TRPM3: variants seen among roughly 807,000 people sequenced by gnomAD.
The protein encoded by TRPM3 is long transient receptor potential channel 3.
TRPM3 carries 77 observed loss-of-function variants against 181.2 expected under a neutral mutation model. That is an observed-to-expected ratio of 0.42 (90% CI 0.35 to 0.51). The LOEUF is 0.51. Ranked by LOEUF, TRPM3 falls within the 20% of genes least tolerant of loss-of-function variation. The probability of loss-of-function intolerance (pLI) is 0.01; values close to 1 mark genes in which losing one functional copy is unlikely to be tolerated. For synonymous variants in TRPM3, 745 were observed against 796.4 expected, an observed-to-expected ratio of 0.94 and a Z score of 1.09; for missense variants, 1,759 against 2,196.7, an observed-to-expected ratio of 0.80 and a Z score of 3.98.
rs1296322226 is a variant in TRPM3, at chr9:70,531,730, AT to A, written c.*4222del. ...TAATTCAACTGGAGTTTAAAATATC[AT>A]TTTAAGTTCATTTGTCATATAGTCT... On this transcript the variant is annotated 3_prime_UTR_variant, in exon 26 of 26. Coordinates refer to ENST00000677713, the MANE Select transcript of TRPM3 (RefSeq NM_001366145.2). 3.9e-5 allele frequency: 6 copies of A among 152,212 alleles called. No homozygotes were observed. The highest frequency in any genetic ancestry group is 7.3e-5 in the Non-Finnish European group (5 of 68,028). The allele number at this position is 152,212 out of a possible 1,614,324, so 9.4% of individuals were successfully genotyped here. A position where few individuals can be genotyped will look rare whatever the true frequency, so the allele number is the denominator to read the frequency against.
At chr9:71,195,541 T>C (rs1247955726) in intron 1 of TRPM3, among the ~76,000 whole-genome samples, 1 of 152,026 alleles carries the variant, frequency 6.6e-6, no homozygotes, top group Non-Finnish European at 1.5e-5. Context: ...TTGTGGAATG[T>C]AGAGTGGAGA....
At chr9:71,289,565 T>C (rs1443983844) in intron 1 of TRPM3, among the ~76,000 whole-genome samples, 2 of 152,082 alleles carry the variant, frequency 1.3e-5, no homozygotes, top group African/African-American at 4.8e-5. Flanking sequence ...ATATATTGTA[T>C]GTTTCAAAAT....
chr9:71,241,165 T>A (rs559972421), intron 1 of TRPM3, among the ~76,000 whole-genome samples: 1 of 152,104 alleles, frequency 6.6e-6, no homozygotes, highest in Non-Finnish European at 1.5e-5. Flanking sequence ...AAGTGCAACA[T>A]CCTCCAAACA....
chr9:70,849,794 T>A (rs905341681), intron 3 of TRPM3, among the ~76,000 whole-genome samples: 2 of 131,922 alleles, frequency 1.5e-5, no homozygotes, highest in Non-Finnish European at 3.4e-5. Flanking sequence ...TACAAACATA[T>A]GCTTTTTGAT....
intron 7 of TRPM3, among the ~76,000 whole-genome samples, chr9:70,763,404 G>C (rs1306610036): frequency 2.0e-5 from 3 of 152,056 alleles, no homozygotes; most frequent in African/African-American, 4.8e-5. Flanking sequence ...CCAGCTACTT[G>C]AGATGCTGAG....
At chr9:70,822,221 A>G (rs979158137) in intron 6 of TRPM3, among the ~76,000 whole-genome samples, 1 of 151,986 alleles carries the variant, frequency 6.6e-6, no homozygotes, top group Admixed American at 6.6e-5. Flanking sequence ...TCTGCGTGGA[A>G]TCTCACCGCT....
chr9:70,852,375 C>T (rs1274515686), intron 3 of TRPM3, among the ~76,000 whole-genome samples: 2 of 152,012 alleles, frequency 1.3e-5, no homozygotes, highest in Admixed American at 1.3e-4. Flanking sequence ...TATGGGAGTG[C>T]TCACAGCCCA....
intron 1 of TRPM3, among the ~76,000 whole-genome samples, chr9:71,415,532 C>T (rs1424779263): frequency 6.6e-6 from 1 of 151,882 alleles, no homozygotes; most frequent in Non-Finnish European, 1.5e-5. Context: ...CTGGGTGACA[C>T]TAAGATATAC....
chr9:70,958,498 T>C (rs1459170246), intron 1 of TRPM3, among the ~76,000 whole-genome samples: 1 of 152,128 alleles, frequency 6.6e-6, no homozygotes, highest in Admixed American at 6.6e-5. Flanking sequence ...TGGTATCTCA[T>C]TGTGGTTTTG....
intron 1 of TRPM3, among the ~76,000 whole-genome samples, chr9:71,370,271 C>T (rs1353615174): frequency 6.6e-6 from 1 of 152,100 alleles, no homozygotes; most frequent in Non-Finnish European, 1.5e-5. Context: ...AAATAAAAAA[C>T]TAGAAATAAT....
chr9:70,817,949 G>GT (rs1323083559), intron 6 of TRPM3, among the ~76,000 whole-genome samples: 1 of 151,380 alleles, frequency 6.6e-6, no homozygotes, highest in Non-Finnish European at 1.5e-5. Flanking sequence ...AATATTTTTG[G>GT]TTTTTTTTGG....
intron 18 of TRPM3, among the ~76,000 whole-genome samples, chr9:70,611,904 T>C (rs545572978): frequency 6.6e-6 from 1 of 152,294 alleles, no homozygotes; most frequent in South Asian, 2.1e-4. Context: ...ATGACTTAAC[T>C]GAGAAAGAGT....
intron 1 of TRPM3, among the ~76,000 whole-genome samples, chr9:70,993,149 T>A (rs1374289728): frequency 1.3e-5 from 2 of 152,148 alleles, no homozygotes; most frequent in African/African-American, 4.8e-5. Context: ...GGAGTTTGGA[T>A]TTTTTCCAAG....
At chr9:70,624,481 T>A (rs2064165951) in intron 14 of TRPM3, among the ~76,000 whole-genome samples, 1 of 152,192 alleles carries the variant, frequency 6.6e-6, no homozygotes, top group Non-Finnish European at 1.5e-5. Flanking sequence ...ATTTGAAAAG[T>A]TCACTTACAT....
intron 1 of TRPM3, among the ~76,000 whole-genome samples, chr9:70,918,077 A>G (rs2096619513): frequency 6.6e-6 from 1 of 152,180 alleles, no homozygotes; most frequent in Non-Finnish European, 1.5e-5. Context: ...ATGATATCTA[A>G]CCATTGTAAA....
At chr9:71,341,260 G>A (rs1291634473) in intron 1 of TRPM3, among the ~76,000 whole-genome samples, 2 of 152,100 alleles carry the variant, frequency 1.3e-5, no homozygotes, top group Non-Finnish European at 2.9e-5. Context: ...AGCAGAAACA[G>A]GCTATTTGCA....
intron 1 of TRPM3, among the ~76,000 whole-genome samples, chr9:71,087,442 A>G (rs562345595): frequency 6.6e-6 from 1 of 152,224 alleles, no homozygotes; most frequent in Non-Finnish European, 1.5e-5. Flanking sequence ...ACATTGAGCA[A>G]GCATAAATCT....
chr9:71,351,638 A>G (rs2091630568), intron 1 of TRPM3, among the ~76,000 whole-genome samples: 1 of 152,196 alleles, frequency 6.6e-6, no homozygotes, highest in Admixed American at 6.5e-5. Context: ...TCTTCAAAAT[A>G]TAATGGACAA....
intron 1 of TRPM3, among the ~76,000 whole-genome samples, chr9:71,325,330 GAT>G (rs913168937): frequency 5.3e-5 from 8 of 152,142 alleles, no homozygotes; most frequent in Admixed American, 6.5e-5. Context: ...GAAACGTGCT[GAT>G]ATGTCTTCAG....
Sources: gnomAD v4.1 joint callset for allele counts (sites outside exome capture counted in the v4.1 genomes callset) on GRCh38, gnomAD v4.1.1 for gene constraint, MANE v1.5 for transcripts, NCBI Gene and HGNC (gene_info 2026-07-23, HGNC 2026-07-21) for gene names.